Variants in LRRTM4 observed in about 807,000 individuals in gnomAD.
LRRTM4 encodes the protein leucine-rich repeat transmembrane neuronal protein 4.
A neutral mutation model predicts 47.6 loss-of-function variants in LRRTM4; 25 were observed. That is an observed-to-expected ratio of 0.53 (90% CI 0.38 to 0.73). LRRTM4 has a LOEUF of 0.73. Among genes scored for constraint, LRRTM4 ranks in the 30% least tolerant of loss-of-function variants. The pLI, the probability that LRRTM4 is intolerant of heterozygous loss-of-function variation, is 0.00. For missense variants in LRRTM4, 638 were observed against 713.4 expected (o/e 0.89, Z 1.20); for synonymous variants, 311 against 269.5 (o/e 1.15, Z -1.51).
rs190513834 is a variant in LRRTM4, at chr2:77,004,975, T to A, written c.1552-256059A>T. On this transcript the variant is annotated intron_variant, in intron 3 of 3. Coordinates refer to ENST00000409884, the MANE Select transcript of LRRTM4 (RefSeq NM_001134745.3). Reference sequence around the variant, plus strand: ...CATTTGGAATGGGTATATTTACCAATGCCTGTACCCCAGTTGTATCTAAAA... The same window carrying A: ...CATTTGGAATGGGTATATTTACCAAAGCCTGTACCCCAGTTGTATCTAAAA... Among the ~76,000 whole-genome samples the A allele has an allele frequency of 6.6e-5, 10 of 152,302 alleles. No homozygotes were observed. In the East Asian group the frequency reaches 1.7e-3, roughly 26 times the overall value.
chr2:77,088,872 A>C (rs1352908990), intron 3 of LRRTM4, among the ~76,000 whole-genome samples: 2 of 151,672 alleles, frequency 1.3e-5, no homozygotes, highest in Non-Finnish European at 2.9e-5. Context: ...ACTATCCCTC[A>C]ATCTCTTTCT....
intron 3 of LRRTM4, among the ~76,000 whole-genome samples, chr2:77,489,419 G>A (rs1337635466): frequency 1.3e-5 from 2 of 152,156 alleles, no homozygotes; most frequent in African/African-American, 2.4e-5. Flanking sequence ...TTCTAATATA[G>A]ACTCTGAATT....
chr2:77,296,032 G>C (rs1195733588), intron 3 of LRRTM4, among the ~76,000 whole-genome samples: 1 of 152,084 alleles, frequency 6.6e-6, no homozygotes, highest in African/African-American at 2.4e-5. Context: ...GCAAATATCT[G>C]AGTAGTTAAT....
At chr2:76,885,014 T>G (rs1338509250) in intron 3 of LRRTM4, among the ~76,000 whole-genome samples, 1 of 152,076 alleles carries the variant, frequency 6.6e-6, no homozygotes, top group African/African-American at 2.4e-5. Flanking sequence ...ATGTATGGTA[T>G]AATCATAAAG....
intron 3 of LRRTM4, among the ~76,000 whole-genome samples, chr2:77,072,255 C>G (rs1332894803): frequency 6.6e-6 from 1 of 152,086 alleles, no homozygotes; most frequent in East Asian, 1.9e-4. Flanking sequence ...ACAGTTCTGA[C>G]TCTATTTAAA....
intron 3 of LRRTM4, among the ~76,000 whole-genome samples, chr2:77,514,453 C>T (rs568634926): frequency 2.0e-5 from 3 of 152,008 alleles, no homozygotes; most frequent in Non-Finnish European, 2.9e-5. Context: ...CCACCCACTG[C>T]ATAACAGTCA....
intron 3 of LRRTM4, among the ~76,000 whole-genome samples, chr2:77,061,880 G>T (rs867698422): frequency 6.6e-6 from 1 of 152,216 alleles, no homozygotes; most frequent in Middle Eastern, 3.4e-3. Flanking sequence ...AACCCAAGTT[G>T]ACTTTCAAAG....
At chr2:77,091,371 G>C (rs1159749613) in intron 3 of LRRTM4, among the ~76,000 whole-genome samples, 1 of 139,416 alleles carries the variant, frequency 7.2e-6, no homozygotes, top group Admixed American at 7.2e-5. Context: ...ATCCCATCCC[G>C]AAGCACACTT....
At chr2:77,320,119 C>G (rs572362339) in intron 3 of LRRTM4, among the ~76,000 whole-genome samples, 48 of 151,794 alleles carry the variant, frequency 3.2e-4, no homozygotes, top group African/African-American at 1.2e-3. Flanking sequence ...TTAGATACTA[C>G]GTACTCTGAG....
intron 3 of LRRTM4, among the ~76,000 whole-genome samples, chr2:76,783,207 C>T (rs1392021852): frequency 3.9e-5 from 6 of 152,024 alleles, no homozygotes; most frequent in Non-Finnish European, 8.8e-5. Context: ...TGACTCCTAC[C>T]CCATAGTAAG....
chr2:76,814,936 AT>A (rs1180425549), intron 3 of LRRTM4, among the ~76,000 whole-genome samples: 1 of 152,098 alleles, frequency 6.6e-6, no homozygotes, highest in Non-Finnish European at 1.5e-5. Flanking sequence ...GAATATATGC[AT>A]TTGCATTTGT....
chr2:77,467,891 C>G (rs530165352), intron 3 of LRRTM4, among the ~76,000 whole-genome samples: 1 of 152,082 alleles, frequency 6.6e-6, no homozygotes, highest in South Asian at 2.1e-4. Flanking sequence ...TAAAAAATAT[C>G]AAAGGTTATT....
chr2:77,180,084 G>A (rs773717917), intron 3 of LRRTM4, among the ~76,000 whole-genome samples: 1 of 152,152 alleles, frequency 6.6e-6, no homozygotes, highest in Non-Finnish European at 1.5e-5. Context: ...GGATATCAAT[G>A]TATAAGAAGT....
intron 3 of LRRTM4, among the ~76,000 whole-genome samples, chr2:76,935,579 T>C (rs770446534): frequency 3.9e-5 from 6 of 152,202 alleles, no homozygotes; most frequent in Non-Finnish European, 8.8e-5. Flanking sequence ...CCCTTGTAAG[T>C]TGTATTCCTA....
intron 3 of LRRTM4, among the ~76,000 whole-genome samples, chr2:77,361,261 T>G (rs1281047360): frequency 2.6e-5 from 4 of 152,008 alleles, no homozygotes; most frequent in Admixed American, 1.3e-4. Flanking sequence ...GGGTAGTAAC[T>G]TTTTAAAATT....
Position 77,216,050 on chromosome 2 carries a change from A to AT in LRRTM4, c.1551+302267dup, listed in dbSNP as rs548293859. ...CTAAGAAGAAAGAGGGGTGCCTTCT[A>AT]TTTTTTGTAGAAAAGCTGAGGACTA... On this transcript the variant is annotated intron_variant, in intron 3 of 3. Coordinates refer to ENST00000409884, the MANE Select transcript of LRRTM4 (RefSeq NM_001134745.3). 2.1e-3 allele frequency among the ~76,000 whole-genome samples: 323 copies of AT among 151,964 alleles called. 2 individuals are homozygous for AT. Among genetic ancestry groups the AT allele is most frequent in the African/African-American group, 7.4e-3 (305 of 41,352 alleles).
At chr2:77,089,338 C>A (rs1444310613) in intron 3 of LRRTM4, among the ~76,000 whole-genome samples, 1 of 151,762 alleles carries the variant, frequency 6.6e-6, no homozygotes, top group African/African-American at 2.4e-5. Context: ...AGAGGAGGGA[C>A]AAGTACCCCA....
chr2:76,849,656 C>G (rs1376241353), intron 3 of LRRTM4, among the ~76,000 whole-genome samples: 2 of 151,960 alleles, frequency 1.3e-5, no homozygotes, highest in Admixed American at 6.6e-5. Flanking sequence ...CAAATTCTTC[C>G]TTAACAAATA....
chr2:77,135,872 T>C (rs1011641463), intron 3 of LRRTM4, among the ~76,000 whole-genome samples: 2 of 152,080 alleles, frequency 1.3e-5, no homozygotes, highest in African/African-American at 4.8e-5. Context: ...AATAAATAAA[T>C]AAATTTTTAC....
Sources: allele counts gnomAD v4.1 joint callset (sites outside exome capture counted in the v4.1 genomes callset), GRCh38; gene constraint gnomAD v4.1.1; transcripts MANE v1.5; gene names NCBI Gene and HGNC (gene_info 2026-07-23, HGNC 2026-07-21).